The following FHIT variants were observed in gnomAD, a reference collection of about 807,000 sequenced individuals.
The protein encoded by FHIT is fragile histidine triad diadenosine triphosphatase, also known as bis(5'-adenosyl)-triphosphatase.
In FHIT, 19 loss-of-function variants were observed where a neutral mutation model predicts 17.9. The observed-to-expected ratio is 1.06, with a 90% CI of 0.74 to 1.56. The LOEUF is 1.56. Ranked by LOEUF, FHIT falls within the 40% of genes most tolerant of loss-of-function variation. FHIT has a pLI of 0.00. For missense variants in FHIT, 248 were observed against 189.2 expected (o/e 1.31, Z -1.82); for synonymous variants, 81 against 69.7 (o/e 1.16, Z -0.81).
chr3:59,919,311 T>C lies in FHIT; in HGVS notation c.348+3035A>G, dbSNP rs556021711. Among the ~76,000 whole-genome samples the C allele has an allele frequency of 4.6e-5, 7 of 152,326 alleles. No individual in the cohort carries two copies. In the South Asian group the frequency reaches 1.5e-3, roughly 32 times the overall value. On this transcript the variant is annotated intron_variant, in intron 8 of 9. Transcript: ENST00000492590. ...GAAGGCACTCTTTAAGTGTTCATTT[T>C]TTTTCACTTTGACCCGTTATTATGG...
intron 4 of FHIT, among the ~76,000 whole-genome samples, chr3:60,607,600 A>G (rs947877234): frequency 1.3e-5 from 2 of 152,040 alleles, no homozygotes; most frequent in African/African-American, 2.4e-5. Context: ...CGTTTCTAGT[A>G]TCACAATTTC....
chr3:60,238,131 G>C (rs1202294849), intron 5 of FHIT, among the ~76,000 whole-genome samples: 1 of 126,526 alleles, frequency 7.9e-6, no homozygotes, highest in Non-Finnish European at 1.6e-5. Context: ...GGCACCAAGC[G>C]AGACTCCGTC....
intron 8 of FHIT, among the ~76,000 whole-genome samples, chr3:59,763,200 G>A (rs1701615781): frequency 6.6e-6 from 1 of 152,170 alleles, no homozygotes; most frequent in Admixed American, 6.5e-5. Context: ...TTTCCTATTT[G>A]CTTCTGCTAC....
At chr3:59,857,983 A>T (rs1702239262) in intron 8 of FHIT, among the ~76,000 whole-genome samples, 1 of 152,052 alleles carries the variant, frequency 6.6e-6, no homozygotes, top group South Asian at 2.1e-4. Flanking sequence ...CAGTTCCCCT[A>T]ATTGGAGTCT....
chr3:61,180,876 T>C (rs1000352445), intron 2 of FHIT, among the ~76,000 whole-genome samples: 4 of 152,194 alleles, frequency 2.6e-5, no homozygotes, highest in African/African-American at 9.6e-5. Flanking sequence ...TCAATCTTTA[T>C]GTGGAGTGGG....
intron 4 of FHIT, among the ~76,000 whole-genome samples, chr3:60,769,023 T>C (rs1034195714): frequency 8.5e-5 from 13 of 152,208 alleles, no homozygotes; most frequent in Non-Finnish European, 1.5e-4. Flanking sequence ...CAACCTCAAA[T>C]GTTTTATTCA....
rs184883944 is a variant in FHIT, at chr3:60,444,771, C to T, written c.103+92089G>A. 2.2e-3 allele frequency among the ~76,000 whole-genome samples: 341 copies of T among 151,778 alleles called. 5 individuals are homozygous for T. The highest frequency in any genetic ancestry group is 0.01 in the Middle Eastern group (3 of 294). On this transcript the variant is annotated intron_variant, in intron 5 of 9. Coordinates refer to ENST00000492590, the MANE Select transcript of FHIT (RefSeq NM_002012.4). Reference sequence around the variant, plus strand: ...ATGACGAGTTAATGGGTGCAGCACACCAACATGGCACATGTATACATATGT... The same window carrying T: ...ATGACGAGTTAATGGGTGCAGCACATCAACATGGCACATGTATACATATGT...
chr3:60,977,781 G>A (rs1052820488), intron 3 of FHIT, among the ~76,000 whole-genome samples: 3 of 152,164 alleles, frequency 2.0e-5, no homozygotes, highest in Non-Finnish European at 4.4e-5. Context: ...TGGGGCAGGA[G>A]AATCACTTGA....
intron 5 of FHIT, among the ~76,000 whole-genome samples, chr3:60,186,724 T>C (rs538248318): frequency 6.6e-6 from 1 of 152,108 alleles, no homozygotes; most frequent in African/African-American, 2.4e-5. Flanking sequence ...AAAGCTAAGG[T>C]TGGGAAAGAG....
At chr3:61,245,064 G>A (rs922363912) in intron 1 of FHIT, among the ~76,000 whole-genome samples, 37 of 152,060 alleles carry the variant, frequency 2.4e-4, no homozygotes, top group Non-Finnish European at 4.9e-4. Context: ...ATATCATAGA[G>A]GTAAGCAAAA....
chr3:60,387,893 TG>T (rs1234231187), intron 5 of FHIT, among the ~76,000 whole-genome samples: 2 of 152,050 alleles, frequency 1.3e-5, no homozygotes, highest in East Asian at 3.9e-4. Flanking sequence ...CCCACAGAGA[TG>T]GTTTGGTGCT....
At chr3:59,749,858 T>C (rs1041430141) in intron 9 of FHIT, 3 of 225,984 alleles carry the variant, frequency 1.3e-5, no homozygotes, top group African/African-American at 4.5e-5. Context: ...CTCCAGGTAA[T>C]GATGACAGTC....
chr3:59,873,345 A>G (rs529144940), intron 8 of FHIT, among the ~76,000 whole-genome samples: 18 of 152,182 alleles, frequency 1.2e-4, no homozygotes, highest in Non-Finnish European at 2.2e-4. Context: ...CATTTACTAT[A>G]TGCCTGACAT....
chr3:60,095,420 T>C (rs1703905432), intron 5 of FHIT, among the ~76,000 whole-genome samples: 1 of 152,234 alleles, frequency 6.6e-6, no homozygotes, highest in Non-Finnish European at 1.5e-5. Context: ...CCCTCCCGTG[T>C]ACATTTCAGA....
Position 61,202,705 on chromosome 3 carries a change from G to A in FHIT, c.-212-2040C>T, listed in dbSNP as rs115075797. On this transcript the variant is annotated intron_variant, in intron 1 of 9. Coordinates refer to ENST00000492590, the MANE Select transcript of FHIT (RefSeq NM_002012.4). ...AAATAAAATCTTAAAGTCAACCAGAGAGGGAAAAAAAAGAGACTTCTAGCA... is the reference window on the plus strand; with the variant it reads ...AAATAAAATCTTAAAGTCAACCAGAAAGGGAAAAAAAAGAGACTTCTAGCA... 9.1e-3 allele frequency among the ~76,000 whole-genome samples: 1,359 copies of A among 149,398 alleles called. 24 individuals are homozygous for A. Among genetic ancestry groups the A allele is most frequent in the African/African-American group, 0.031 (1,300 of 41,320 alleles).
intron 5 of FHIT, among the ~76,000 whole-genome samples, chr3:60,460,490 A>G (rs920648366): frequency 6.6e-6 from 1 of 152,164 alleles, no homozygotes; most frequent in Non-Finnish European, 1.5e-5. Context: ...GGATATTGCT[A>G]AGGATTTATA....
chr3:61,067,882 T>G (rs1470479428), intron 2 of FHIT, among the ~76,000 whole-genome samples: 2 of 152,202 alleles, frequency 1.3e-5, no homozygotes, highest in Non-Finnish European at 2.9e-5. Flanking sequence ...CATAACCACC[T>G]GCAACAAAAG....
intron 5 of FHIT, among the ~76,000 whole-genome samples, chr3:60,520,184 A>G (rs2035306642): frequency 6.6e-6 from 1 of 152,198 alleles, no homozygotes; most frequent in East Asian, 1.9e-4. Flanking sequence ...AGAACAGACT[A>G]GTATCTACAT....
At chr3:60,151,856 C>G (rs1157184499) in intron 5 of FHIT, among the ~76,000 whole-genome samples, 1 of 152,174 alleles carries the variant, frequency 6.6e-6, no homozygotes, top group Non-Finnish European at 1.5e-5. Context: ...TCCTAATACT[C>G]ACTATCCCCT....
Sources: gnomAD v4.1 joint callset for allele counts (sites outside exome capture counted in the v4.1 genomes callset) on GRCh38, gnomAD v4.1.1 for gene constraint, MANE v1.5 for transcripts, NCBI Gene and HGNC (gene_info 2026-07-23, HGNC 2026-07-21) for gene names.